EEPD1: variants seen among roughly 807,000 people sequenced by gnomAD.
EEPD1 encodes the protein endonuclease/exonuclease/phosphatase family domain containing 1.
In EEPD1, 17 loss-of-function variants were observed where a neutral mutation model predicts 46.3. That is an observed-to-expected ratio of 0.37 (90% confidence interval 0.25 to 0.55). The LOEUF is 0.55. Among genes scored for constraint, EEPD1 ranks in the 20% least tolerant of loss-of-function variants. The probability of loss-of-function intolerance (pLI) is 0.83; values close to 1 mark genes in which losing one functional copy is unlikely to be tolerated. For missense variants in EEPD1, 673 were observed against 745.6 expected (o/e 0.90, Z 1.13); for synonymous variants, 313 against 315.6 (o/e 0.99, Z 0.09).
intron 3 of EEPD1, among the ~76,000 whole-genome samples, chr7:36,272,815 C>G (rs79508737): frequency 0.058 from 8,860 of 152,234 alleles, 315 homozygotes; most frequent in Middle Eastern, 0.12. Context: ...GAAGAGCCAC[C>G]CTTCAAGTGG....
At chr7:36,258,488 A>G (rs1786861426) in intron 3 of EEPD1, among the ~76,000 whole-genome samples, 1 of 152,176 alleles carries the variant, frequency 6.6e-6, no homozygotes, top group Non-Finnish European at 1.5e-5. Flanking sequence ...TAAGCCACTG[A>G]CTGGGGCTGC....
At chr7:36,223,172 A>G (rs1023592207) in intron 2 of EEPD1, among the ~76,000 whole-genome samples, 11 of 152,016 alleles carry the variant, frequency 7.2e-5, no homozygotes, top group Admixed American at 3.9e-4. Flanking sequence ...AAATAAATAA[A>G]TAAATAAAAG....
intron 2 of EEPD1, among the ~76,000 whole-genome samples, chr7:36,175,355 C>T (rs1382594259): frequency 1.3e-5 from 2 of 152,090 alleles, no homozygotes; most frequent in Admixed American, 1.3e-4. Context: ...CTCAGCCTCC[C>T]GAGCAGCTGG....
intron 2 of EEPD1, among the ~76,000 whole-genome samples, chr7:36,235,972 T>C (rs1437971618): frequency 6.6e-6 from 1 of 150,794 alleles, no homozygotes; most frequent in Non-Finnish European, 1.5e-5. Flanking sequence ...TCACCCAGGC[T>C]GGAGTGCAGT....
chr7:36,186,213 G>C (rs568432187), intron 2 of EEPD1, among the ~76,000 whole-genome samples: 1 of 152,124 alleles, frequency 6.6e-6, no homozygotes, highest in Non-Finnish European at 1.5e-5. Context: ...CTCTCTGCTG[G>C]GTAGTGGCAC....
intron 3 of EEPD1, among the ~76,000 whole-genome samples, chr7:36,257,576 C>T (rs936233594): frequency 6.6e-6 from 1 of 152,028 alleles, no homozygotes; most frequent in Admixed American, 6.6e-5. Context: ...TTAAGTTGGT[C>T]TTTGATCTCT....
chr7:36,240,296 G>C (rs772861904), intron 3 of EEPD1, among the ~76,000 whole-genome samples: 4 of 152,202 alleles, frequency 2.6e-5, no homozygotes, highest in Admixed American at 1.3e-4. Flanking sequence ...TGGGTTAGTA[G>C]TCAGTCTGCT....
chr7:36,263,344 GA>G (rs111584643), intron 3 of EEPD1, among the ~76,000 whole-genome samples: 59 of 152,152 alleles, frequency 3.9e-4, no homozygotes, highest in East Asian at 1.7e-3. Flanking sequence ...GGAGGGGGGG[GA>G]AAAAGCAGAG....
intron 2 of EEPD1, among the ~76,000 whole-genome samples, chr7:36,172,622 T>G (rs1409305225): frequency 3.7e-5 from 4 of 106,958 alleles, no homozygotes; most frequent in Non-Finnish European, 4.9e-5. Context: ...TATGAGTTTT[T>G]TTTTTTTTTT....
rs1787316378 is a variant in EEPD1, at chr7:36,284,705, T to C, written c.1061T>C (p.Phe354Ser). ...QLQKGAGYAG[F>S]LWDAAAGMEL... ...CTGCAGGGAGCTGGGTATGCAGGATTCCTATGGGACGCGGCTGCCGGCATG... is the reference window on the plus strand; with the variant it reads ...CTGCAGGGAGCTGGGTATGCAGGATCCCTATGGGACGCGGCTGCCGGCATG... The change falls in exon 5 of 8, where the codon TTC becomes TCC. Residue 354 changes from phenylalanine to serine, a missense_variant. By Grantham distance (155) the Phe-to-Ser change is radical. Transcript: ENST00000242108. The C allele has an allele frequency of 6.2e-7, 1 of 1,612,102 alleles. No homozygotes were observed. The highest frequency in any genetic ancestry group is 8.5e-7 in the Non-Finnish European group (1 of 1,179,158).
At chr7:36,287,068 C>G (rs1787351418) in intron 5 of EEPD1, among the ~76,000 whole-genome samples, 2 of 151,492 alleles carry the variant, frequency 1.3e-5, no homozygotes, top group African/African-American at 4.9e-5. Flanking sequence ...ATGGTGAAGT[C>G]TCTACTAAAA....
At chr7:36,178,913 C>A (rs1785227795) in intron 2 of EEPD1, among the ~76,000 whole-genome samples, 1 of 152,238 alleles carries the variant, frequency 6.6e-6, no homozygotes, top group Non-Finnish European at 1.5e-5. Flanking sequence ...AGAACCCTTT[C>A]TCTGAGTCTC....
At chr7:36,250,316 G>A (rs1405491467) in intron 3 of EEPD1, among the ~76,000 whole-genome samples, 1 of 152,102 alleles carries the variant, frequency 6.6e-6, no homozygotes, top group South Asian at 2.1e-4. Context: ...AACTTTTTAA[G>A]ATCCACTTGG....
At chr7:36,207,432 A>AC (rs1187487412) in intron 2 of EEPD1, among the ~76,000 whole-genome samples, 1 of 152,152 alleles carries the variant, frequency 6.6e-6, no homozygotes, top group Non-Finnish European at 1.5e-5. Context: ...AGAACTTCTG[A>AC]CCCTGGTATG....
chr7:36,269,424 C>T (rs1032599165), intron 3 of EEPD1, among the ~76,000 whole-genome samples: 41 of 152,176 alleles, frequency 2.7e-4, no homozygotes, highest in African/African-American at 8.7e-4. Context: ...GAGGCTGAGG[C>T]GGGAGGATTG....
At chr7:36,266,524 C>T (rs1787021610) in intron 3 of EEPD1, among the ~76,000 whole-genome samples, 2 of 152,306 alleles carry the variant, frequency 1.3e-5, no homozygotes, top group South Asian at 2.1e-4. Flanking sequence ...CTCTGTGTTA[C>T]CCTCAACATC....
At chr7:36,183,119 A>T (rs191264399) in intron 2 of EEPD1, among the ~76,000 whole-genome samples, 212 of 152,334 alleles carry the variant, frequency 1.4e-3, no homozygotes, top group African/African-American at 4.9e-3. Context: ...GAGGCAGCTC[A>T]AAGACCAACT....
chr7:36,262,652 G>A (rs1307923235), intron 3 of EEPD1, among the ~76,000 whole-genome samples: 1 of 152,154 alleles, frequency 6.6e-6, no homozygotes, highest in Non-Finnish European at 1.5e-5. Flanking sequence ...CATGTACAGT[G>A]TGTTTAGTGA....
intron 2 of EEPD1, among the ~76,000 whole-genome samples, chr7:36,212,547 T>G (rs7786121): frequency 0.038 from 5,395 of 141,482 alleles, 820 homozygotes; most frequent in African/African-American, 0.14. Flanking sequence ...TTATTTAATG[T>G]AGTGGTTCTT....
Sources: gnomAD v4.1 joint callset for allele counts (sites outside exome capture counted in the v4.1 genomes callset) on GRCh38, gnomAD v4.1.1 for gene constraint, MANE v1.5 for transcripts, NCBI Gene and HGNC (gene_info 2026-07-23, HGNC 2026-07-21) for gene names.